Variants in USP34 observed in about 807,000 individuals in gnomAD.
USP34 encodes the protein ubiquitin carboxyl-terminal hydrolase 34.
USP34 carries 70 observed loss-of-function variants against 460.3 expected under a neutral mutation model. The observed-to-expected ratio is 0.15, with a 90% CI of 0.13 to 0.19. The LOEUF is 0.19. USP34 is among the 10% of genes least tolerant of loss of function. The pLI, the probability that USP34 is intolerant of heterozygous loss-of-function variation, is 1.00. For missense variants in USP34, 3,985 were observed against 4,236.2 expected, an observed-to-expected ratio of 0.94 and a Z score of 1.65; for synonymous variants, 1,647 against 1,405.3, an observed-to-expected ratio of 1.17 and a Z score of -3.85.
intron 3 of USP34, among the ~76,000 whole-genome samples, chr2:61,403,285 A>G (rs976511687): frequency 2.6e-5 from 4 of 152,158 alleles, no homozygotes; most frequent in Non-Finnish European, 5.9e-5. Flanking sequence ...AACAGGAAAG[A>G]AAAAACACTG....
At chr2:61,470,373 C>A (rs924476348) in intron 1 of USP34, among the ~76,000 whole-genome samples, 3 of 152,038 alleles carry the variant, frequency 2.0e-5, no homozygotes, top group African/African-American at 7.2e-5. Context: ...TTAATTGACA[C>A]CTGTAATGAG....
intron 75 of USP34, among the ~76,000 whole-genome samples, chr2:61,196,069 ATTTTTTTTTTTTTTTTT>A (rs71403398): frequency 4.8e-5 from 2 of 41,576 alleles, no homozygotes; most frequent in African/African-American, 2.1e-4. Flanking sequence ...ACCATGCACG[ATTTTTTTTTTTTTTTTT>A]TTTTTTTTTT....
At chr2:61,229,676 G>A (rs191884228) in intron 58 of USP34, 43 bp from the exon 59 acceptor site, 1 of 1,517,312 alleles carries the variant, frequency 6.6e-7, no homozygotes, top group Non-Finnish European at 9.0e-7. Context: ...AACTCATCAG[G>A]TAACAAAGAT....
At chr2:61,316,149 T>C (rs1247554061) in intron 23 of USP34, among the ~76,000 whole-genome samples, 1 of 151,850 alleles carries the variant, frequency 6.6e-6, no homozygotes, top group East Asian at 1.9e-4. Flanking sequence ...GAGGTTGCAG[T>C]GAGCCAAGAT....
At chr2:61,239,360 G>A (rs1239902710) in intron 53 of USP34, among the ~76,000 whole-genome samples, 1 of 145,458 alleles carries the variant, frequency 6.9e-6, no homozygotes, top group African/African-American at 2.5e-5. Context: ...ACAGAAGTTT[G>A]AGAACCACTG....
rs891544059 is a variant in USP34, at chr2:61,404,830, T to C, written c.552+878A>G. On this transcript the variant is annotated intron_variant, in intron 3 of 79. Coordinates refer to ENST00000398571, the MANE Select transcript of USP34 (RefSeq NM_014709.4). ...TCTCAATTCCCACTATGCCTAGAAA[T>C]CAATCATATTATCTGAGTTAAGTCT... is the stretch of plus-strand genomic sequence containing the variant. Among the ~76,000 whole-genome samples the C allele has an allele frequency of 2.6e-5, 4 of 152,168 alleles. No individual in the cohort carries two copies. The South Asian group carries it at 8.3e-4, about 32-fold the overall frequency.
chr2:61,266,181 G>A lies in USP34; in HGVS notation c.5434-14C>T, dbSNP rs1164690540. 6.3e-7 allele frequency: 1 copy of A among 1,598,374 alleles called. No homozygotes were observed. Among genetic ancestry groups the A allele is most frequent in the Non-Finnish European group, 8.6e-7 (1 of 1,168,346 alleles). ...TCTCAAAAATTCCTGGGGAGTAAAA[G>A]GAAACATGTTATCTAAACTGAGATA... On this transcript the variant is annotated splice_polypyrimidine_tract_variant and intron_variant, in intron 41 of 79. Coordinates refer to ENST00000398571, the MANE Select transcript of USP34 (RefSeq NM_014709.4).
intron 1 of USP34, among the ~76,000 whole-genome samples, chr2:61,466,630 G>A (rs1695770152): frequency 6.6e-6 from 1 of 151,702 alleles, no homozygotes; most frequent in African/African-American, 2.4e-5. Flanking sequence ...AAAATTTTTA[G>A]GCCAGGCATG....
At chr2:61,441,100 C>A (rs1694951742) in intron 1 of USP34, among the ~76,000 whole-genome samples, 2 of 151,054 alleles carry the variant, frequency 1.3e-5, no homozygotes, top group Non-Finnish European at 3.0e-5. Context: ...TGCACTCCAG[C>A]CTGGACAACT....
rs982935355 is a variant in USP34 at position 61,460,426 on chromosome 2, G to C, written c.43+10224C>G. The stretch of plus-strand genomic sequence containing the variant: ...GGCACTACACAATGCTTGTATTCAA[G>C]TAACCCTTACTTTACCCAATAATGG... On this transcript the variant is annotated intron_variant, in intron 1 of 79. Transcript: ENST00000398571. Among the ~76,000 whole-genome samples the C allele has an allele frequency of 2.6e-5, 4 of 152,218 alleles. No individual in the cohort carries two copies. The South Asian group carries it at 8.3e-4, about 32-fold the overall frequency.
intron 21 of USP34, among the ~76,000 whole-genome samples, chr2:61,320,917 C>T (rs185008819): frequency 7.0e-4 from 106 of 151,594 alleles, no homozygotes; most frequent in East Asian, 3.9e-4. Flanking sequence ...GGATAAGGCA[C>T]GAGAATCGCT....
chr2:61,229,476 C>CAAAAAAAAAAAAAAAAAAAAAA (rs70959901), intron 59 of USP34, 72 bp downstream of exon 59: 1 of 358,308 alleles, frequency 2.8e-6, no homozygotes, highest in Non-Finnish European at 4.2e-6. Context: ...AAAAAAAAAA[C>CAAAAAAAAAAAAAAAAAAAAAA]AAAAAAAAAA....
chr2:61,249,451 TAAG>T (rs1207868363), intron 48 of USP34, among the ~76,000 whole-genome samples: 1 of 152,240 alleles, frequency 6.6e-6, no homozygotes, highest in Non-Finnish European at 1.5e-5. Context: ...ATTTAAAACT[TAAG>T]AATTATTTTT....
rs1689990506 is a variant in USP34, at chr2:61,295,288, A to G, written c.4257T>C (p.Ser1419=). 1.3e-6 allele frequency: 2 copies of G among 1,590,950 alleles called. No individual in the cohort carries two copies. Among genetic ancestry groups the G allele is most frequent in the Non-Finnish European group, 1.7e-6 (2 of 1,171,858 alleles). The change falls in exon 31 of 80, where the codon AGT becomes AGC. Residue 1419 remains serine, a splice_region_variant and synonymous_variant. Transcript: ENST00000398571. The part of the protein sequence containing the change: ...MAFQNISDEQ[S]NDGFNWKELL... ...GTTCTTTCCAATTAAATCCATCATT[A>G]CTCTTAAATTAGAAAAACATGTTTC... is the stretch of plus-strand genomic sequence containing the variant.
In USP34 at chr2:61,343,885, C is replaced by A; in HGVS notation, c.2430G>T (p.Ala810=). The A allele has an allele frequency of 6.2e-7, 1 of 1,613,902 alleles. No individual in the cohort carries two copies. Among genetic ancestry groups the A allele is most frequent in the Non-Finnish European group, 8.5e-7 (1 of 1,179,914 alleles). The part of the protein sequence containing the change: ...EEELVQINSH[A]ELTSHLQQHL... ...GTTGTTGGAGGTGAGATGTCAGTTC[C>A]GCATGTGAATTAATCTGAACTAGCT... The change falls in exon 16 of 80, where the codon GCG becomes GCT. Residue 810 remains alanine, a synonymous_variant. Transcript: ENST00000398571.
At chr2:61,220,588 A>G in intron 66 of USP34, 131 bp from the exon 67 acceptor site, 1 of 892,914 alleles carries the variant, frequency 1.1e-6, no homozygotes, top group Non-Finnish European at 1.6e-6. Context: ...AAAAGGTTTC[A>G]CCCTATTTTT....
intron 1 of USP34, among the ~76,000 whole-genome samples, chr2:61,444,297 T>C (rs947339436): frequency 2.6e-5 from 4 of 151,996 alleles, no homozygotes; most frequent in Non-Finnish European, 5.9e-5. Context: ...AGAATTAAAA[T>C]ATACAATAAC....
At chr2:61,293,681 A>G (rs1689930858) in intron 32 of USP34, 131 bp from the exon 33 acceptor site, 1 of 610,988 alleles carries the variant, frequency 1.6e-6, no homozygotes, top group Non-Finnish European at 2.8e-6. Flanking sequence ...TTAAATTACC[A>G]AAATAATTTC....
chr2:61,342,266 G>C (rs1248411450), intron 16 of USP34, among the ~76,000 whole-genome samples: 1 of 147,808 alleles, frequency 6.8e-6, no homozygotes, highest in Non-Finnish European at 1.5e-5. Flanking sequence ...GATGACAAGA[G>C]ACACTGAGAG....
Sources: gnomAD v4.1 joint callset for allele counts (sites outside exome capture counted in the v4.1 genomes callset) on GRCh38, gnomAD v4.1.1 for gene constraint, MANE v1.5 for transcripts, NCBI Gene and HGNC (gene_info 2026-07-23, HGNC 2026-07-21) for gene names.